The following ATG3 variants were observed in gnomAD, a reference collection of about 807,000 sequenced individuals.
ATG3 encodes the protein ubiquitin-like-conjugating enzyme ATG3.
Under a neutral mutation model 50.7 loss-of-function variants are expected in ATG3, and 25 were observed. That is an observed-to-expected ratio of 0.49 (90% CI 0.36 to 0.69). The LOEUF (loss-of-function observed/expected upper bound fraction) is 0.69, where lower values mean the gene tolerates loss of function less well. ATG3 is among the 30% of genes least tolerant of loss of function. The probability of loss-of-function intolerance (pLI) is 0.00; values close to 1 mark genes in which losing one functional copy is unlikely to be tolerated. For missense variants in ATG3, 281 were observed against 376.0 expected (o/e 0.75, Z 2.09); for synonymous variants, 119 against 125.5 (o/e 0.95, Z 0.34).
At chr3:112,550,099 A>G (rs1263707313) in intron 4 of ATG3, 93 bp downstream of exon 4, 2 of 884,160 alleles carry the variant, frequency 2.3e-6, no homozygotes, top group Non-Finnish European at 3.5e-6. Context: ...TGATAAAACT[A>G]AGGAAAAAAT....
intron 1 of ATG3, 89 bp downstream of exon 1, chr3:112,561,367 CG>C (rs1276851253): frequency 7.2e-6 from 10 of 1,383,520 alleles, no homozygotes; most frequent in Non-Finnish European, 9.1e-6. Context: ...CACCTTGCCC[CG>C]CCGGAGAAAG....
intron 1 of ATG3, among the ~76,000 whole-genome samples, chr3:112,560,210 G>A (rs1933811970): frequency 6.6e-6 from 1 of 152,162 alleles, no homozygotes; most frequent in South Asian, 2.1e-4. Context: ...TTAAAATACT[G>A]TATACCTAGG....
intron 6 of ATG3, among the ~76,000 whole-genome samples, chr3:112,542,345 T>C (rs576380483): frequency 6.6e-6 from 1 of 152,284 alleles, no homozygotes; most frequent in African/African-American, 2.4e-5. Context: ...AGGCAAGTTA[T>C]CAGACTTTAC....
At chr3:112,538,430 A>G (rs1933135095) in intron 7 of ATG3, 1 of 398,564 alleles carries the variant, frequency 2.5e-6, no homozygotes, top group Admixed American at 4.5e-5. Context: ...CACAGTGTAC[A>G]CAAGCCTACT....
intron 1 of ATG3, among the ~76,000 whole-genome samples, chr3:112,560,869 C>T (rs1308943268): frequency 3.3e-5 from 5 of 152,146 alleles, no homozygotes; most frequent in African/African-American, 7.2e-5. Flanking sequence ...TAACCAGCTA[C>T]GGCTATCTGA....
chr3:112,561,925 G>A lies in ATG3; in HGVS notation c.-397C>T, dbSNP rs937759911. 12 of 224,974 alleles carry A rather than the reference G, an allele frequency of 5.3e-5. No homozygotes were observed. The highest frequency in any genetic ancestry group is 9.7e-5 in the Non-Finnish European group (11 of 113,186). The allele number at this position is 224,974 out of a possible 1,614,324, so 13.9% of individuals were successfully genotyped here. On this transcript the variant is annotated 5_prime_UTR_variant, in exon 1 of 12. Coordinates refer to ENST00000283290, the MANE Select transcript of ATG3 (RefSeq NM_022488.5). ...GGCTTCCCTTCCTTCTCACTCTCTT[G>A]CCGTAGCTGCGCCGCCACCGGGGCC... is the stretch of plus-strand genomic sequence containing the variant.
chr3:112,545,676 CTTTAA>C (rs1559845448), intron 5 of ATG3, among the ~76,000 whole-genome samples: 3 of 152,160 alleles, frequency 2.0e-5, no homozygotes, highest in Admixed American at 1.3e-4. Context: ...AAATCAACCT[CTTTAA>C]TTTGTCAAAA....
intron 5 of ATG3, among the ~76,000 whole-genome samples, chr3:112,546,617 T>C (rs1337212726): frequency 2.0e-5 from 3 of 152,034 alleles, no homozygotes; most frequent in Admixed American, 6.6e-5. Flanking sequence ...CACAAGCTAA[T>C]AGAAGAAAAC....
At chr3:112,559,987 C>T (rs1465103569) in intron 1 of ATG3, among the ~76,000 whole-genome samples, 1 of 152,206 alleles carries the variant, frequency 6.6e-6, no homozygotes, top group East Asian at 1.9e-4. Context: ...CAACAGTTTG[C>T]ACAGGAGTAT....
chr3:112,546,994 G>A (rs1342147634), intron 5 of ATG3, among the ~76,000 whole-genome samples: 1 of 152,198 alleles, frequency 6.6e-6, no homozygotes, highest in African/African-American at 2.4e-5. Flanking sequence ...AACTCCATAA[G>A]GAAAGAGATG....
intron 7 of ATG3, among the ~76,000 whole-genome samples, chr3:112,541,451 A>C (rs1933222673): frequency 6.6e-6 from 1 of 152,228 alleles, no homozygotes. Flanking sequence ...AGATGCTATC[A>C]AAGAGGGAAA....
intron 1 of ATG3, 107 bp downstream of exon 1, chr3:112,561,350 C>T (rs2107399340): frequency 8.4e-7 from 1 of 1,187,266 alleles, no homozygotes. Context: ...GCCCTACTGC[C>T]TTCCTACACC....
At chr3:112,561,137 C>T (rs1933854611) in intron 1 of ATG3, among the ~76,000 whole-genome samples, 1 of 152,276 alleles carries the variant, frequency 6.6e-6, no homozygotes, top group South Asian at 2.1e-4. Flanking sequence ...AAAAGACTTC[C>T]AGTGTTTGGA....
chr3:112,538,069 CAATAT>C (rs1933121724), intron 8 of ATG3, 72 bp downstream of exon 8: 5 of 1,278,954 alleles, frequency 3.9e-6, no homozygotes, highest in Non-Finnish European at 4.4e-6. Context: ...TTTGAAAGAT[CAATAT>C]ATTATTAGTA....
intron 6 of ATG3, among the ~76,000 whole-genome samples, chr3:112,543,285 T>G (rs563276998): frequency 2.2e-4 from 34 of 152,212 alleles, no homozygotes; most frequent in African/African-American, 6.5e-4. Flanking sequence ...ATATTATTTT[T>G]TCATATCATT....
At chr3:112,550,463 T>A (rs1933498487) in intron 3 of ATG3, among the ~76,000 whole-genome samples, 1 of 152,162 alleles carries the variant, frequency 6.6e-6, no homozygotes, top group African/African-American at 2.4e-5. Flanking sequence ...AAGTGAAACA[T>A]ACTAAGAGAT....
rs193132592 is a variant in ATG3 at position 112,558,099 on chromosome 3, G to C, written c.114+277C>G. 7.3e-5 allele frequency: 29 copies of C among 395,746 alleles called. No homozygotes were observed. The Admixed American group carries it at 9.0e-4, about 12-fold the overall frequency. 24.5% of individuals were successfully genotyped at this position (395,746 alleles called of 1,614,324 possible). A position where few individuals can be genotyped will look rare whatever the true frequency, so the allele number is the denominator to read the frequency against. On this transcript the variant is annotated intron_variant, in intron 2 of 11. Transcript: ENST00000283290. ...ACAGCTCAATATAACACCAATACAA[G>C]TCAAGGATAAGTGACATAGGACTCA...
At chr3:112,537,233 C>G (rs1933092471) in intron 9 of ATG3, among the ~76,000 whole-genome samples, 1 of 152,078 alleles carries the variant, frequency 6.6e-6, no homozygotes, top group South Asian at 2.1e-4. Flanking sequence ...TTTAGACTGA[C>G]TTTATTTTCT....
intron 3 of ATG3, among the ~76,000 whole-genome samples, 181 bp from the exon 4 acceptor site, chr3:112,550,443 A>G (rs1284497554): frequency 1.3e-5 from 2 of 152,228 alleles, no homozygotes; most frequent in Non-Finnish European, 2.9e-5. Context: ...GAAAAGCACA[A>G]CAATAATCTA....
Sources: gnomAD v4.1 joint callset for allele counts (sites outside exome capture counted in the v4.1 genomes callset) on GRCh38, gnomAD v4.1.1 for gene constraint, MANE v1.5 for transcripts, NCBI Gene and HGNC (gene_info 2026-07-23, HGNC 2026-07-21) for gene names.